SMARCA2: variants seen among roughly 807,000 people sequenced by gnomAD.
The protein encoded by SMARCA2 is SWI/SNF related BAF chromatin remodeling complex subunit ATPase 2.
In SMARCA2, 61 loss-of-function variants were observed where a neutral mutation model predicts 199.8. The ratio of observed to expected loss-of-function variants is 0.31; its 90% CI spans 0.25 to 0.38. The LOEUF is 0.38. Ranked by LOEUF, SMARCA2 falls within the 10% of genes least tolerant of loss-of-function variation. The probability of loss-of-function intolerance (pLI) is 1.00; values close to 1 mark genes in which losing one functional copy is unlikely to be tolerated. For synonymous variants in SMARCA2, 935 were observed against 732.0 expected (o/e 1.28, Z -4.48); for missense variants, 1,344 against 2,012.2 (o/e 0.67, Z 6.35).
intron 29 of SMARCA2, among the ~76,000 whole-genome samples, chr9:2,176,338 A>C (rs185640615): frequency 1.3e-5 from 2 of 152,204 alleles, no homozygotes; most frequent in African/African-American, 2.4e-5. Flanking sequence ...TCCTGTCATG[A>C]ACATCTTGAT....
rs1176429274 is a variant in SMARCA2 at position 2,104,278 on chromosome 9, A to AC, written c.3292+110dup. 1 of 1,029,274 alleles carries AC rather than the reference A, an allele frequency of 9.7e-7. No individual in the cohort carries two copies. The highest frequency in any genetic ancestry group is 1.6e-5 in the African/African-American group (1 of 62,006). 63.8% of individuals were successfully genotyped at this position (1,029,274 alleles called of 1,614,324 possible). ...AAGAAGGGGTAAAATTGAAGAATTG[A>AC]CTAGAAGCATTGGGAGCAGTTTTTC... is the stretch of plus-strand genomic sequence containing the variant. On this transcript the variant is annotated intron_variant, in intron 23 of 33. Transcript: ENST00000349721. The surrounding 1 kb of genome is among the most constrained non-coding windows in gnomAD (Gnocchi z 4.0).
chr9:2,159,000 T>C (rs192767531), intron 27 of SMARCA2: 3 of 1,611,494 alleles, frequency 1.9e-6, no homozygotes, highest in Admixed American at 3.3e-5. Context: ...GTGTGTTTCC[T>C]TGTAATTCCA....
At chr9:2,100,590 T>C (rs1343366102) in intron 21 of SMARCA2, among the ~76,000 whole-genome samples, 1 of 151,904 alleles carries the variant, frequency 6.6e-6, no homozygotes, top group Admixed American at 6.5e-5. Context: ...TAGTCCCAGC[T>C]ATTCAGGAGT....
intron 28 of SMARCA2, among the ~76,000 whole-genome samples, chr9:2,165,796 G>C (rs1258904128): frequency 2.0e-5 from 3 of 152,158 alleles, no homozygotes; most frequent in Non-Finnish European, 2.9e-5. Context: ...TCCAACTCTA[G>C]AGACATGGCT....
chr9:2,077,547 T>G, intron 13 of SMARCA2, 82 bp from the exon 14 acceptor site: 1 of 1,380,670 alleles, frequency 7.2e-7, no homozygotes, highest in East Asian at 2.3e-5. Context: ...TATTTTAGGT[T>G]CTCAAATCAT....
Position 2,119,479 on chromosome 9 carries a change from G to C in SMARCA2, c.3706G>C (p.Asp1236His). 1 of 1,613,266 alleles carries C rather than the reference G, an allele frequency of 6.2e-7. No individual in the cohort carries two copies. The highest frequency in any genetic ancestry group is 8.5e-7 in the Non-Finnish European group (1 of 1,179,246). The change falls in exon 26 of 34, where the codon GAT (aspartate) becomes CAT (histidine). Residue 1236 changes from aspartate (D) to histidine (H), a missense_variant. Around this residue, in one of 18 missense-constraint regions of SMARCA2, gnomAD observed 36 missense variants for 172.5 expected, o/e 0.21. Transcript: ENST00000349721. This position sits in a 1 kb window ranked among gnomAD's most constrained non-coding sequence, Gnocchi z 4.6. Reference sequence around the variant, plus strand: ...CCAGGAAGAAGATGAAGTACCGGACGATGAGACTCTGAACCAAATGATTGC... The same window carrying C: ...CCAGGAAGAAGATGAAGTACCGGACCATGAGACTCTGAACCAAATGATTGC... The part of the protein sequence containing the change: ...ENEEEDEVPD[D>H]ETLNQMIARR...
rs751814191 is a variant in SMARCA2 at position 2,056,683 on chromosome 9, G to A, written c.1185G>A (p.Glu395=). ...TCTCTTCTTGACAGCTGAGACAGGA[G>A]GTGGTGGCCTGCATGCGCAGGGACA... The part of the protein sequence containing the change: ...LLNFQRQLRQ[E]VVACMRRDTT... The change falls in exon 7 of 34, where the codon GAG becomes GAA. Residue 395 remains glutamate, a synonymous_variant. Coordinates refer to ENST00000349721, the MANE Select transcript of SMARCA2 (RefSeq NM_003070.5). The surrounding 1 kb of genome is among the most constrained non-coding windows in gnomAD (Gnocchi z 4.0). The A allele has an allele frequency of 3.0e-5, 49 of 1,613,536 alleles. No individual in the cohort carries two copies. The highest frequency in any genetic ancestry group is 3.9e-5 in the Non-Finnish European group (46 of 1,179,830).
At position 2,174,891 on chromosome 9, in the gene SMARCA2, G is replaced by C. The variant is rs141118870; in HGVS notation, c.4253+4419G>C. Among the ~76,000 whole-genome samples, 155 of 126,688 alleles carry C rather than the reference G, an allele frequency of 1.2e-3. 3 individuals carry two copies. The East Asian group carries it at 0.034, about 28-fold the overall frequency. The allele number at this position is 126,688 out of a possible 152,430, so 83.1% of individuals were successfully genotyped here. The stretch of plus-strand genomic sequence containing the variant: ...AGTGAGCCCTGATCGTGCTACTGCA[G>C]TCCAGCCTGGGGGACAGAGTGAGAC... On this transcript the variant is annotated intron_variant, in intron 29 of 33. Coordinates refer to ENST00000349721, the MANE Select transcript of SMARCA2 (RefSeq NM_003070.5).
chr9:2,147,045 T>A (rs1001200781), intron 27 of SMARCA2, among the ~76,000 whole-genome samples: 3 of 152,176 alleles, frequency 2.0e-5, no homozygotes, highest in African/African-American at 7.2e-5. Flanking sequence ...TTGCTCTGCT[T>A]CAAACATCTC....
intron 31 of SMARCA2, among the ~76,000 whole-genome samples, chr9:2,182,773 G>T (rs1175149775): frequency 6.7e-6 from 1 of 148,432 alleles, no homozygotes; most frequent in African/African-American, 2.5e-5. Context: ...GGGATTACAG[G>T]CATGAGCCAC....
chr9:2,176,042 G>C (rs530398528), intron 29 of SMARCA2, among the ~76,000 whole-genome samples: 1 of 151,824 alleles, frequency 6.6e-6, no homozygotes, highest in East Asian at 1.9e-4. Flanking sequence ...CACCATACTC[G>C]GCTAATTTTT....
At chr9:2,049,746 T>A (rs1228016243) in intron 5 of SMARCA2, among the ~76,000 whole-genome samples, 1 of 152,332 alleles carries the variant, frequency 6.6e-6, no homozygotes, top group East Asian at 1.9e-4. Flanking sequence ...GAGATTAAAT[T>A]TATCCCTTAA....
At chr9:2,054,871 C>T in intron 6 of SMARCA2, 148 bp downstream of exon 6, 3 of 765,224 alleles carry the variant, frequency 3.9e-6, no homozygotes, top group Middle Eastern at 3.8e-4. Context: ...TTTAGACCAA[C>T]AGCTTACAAC....
At position 2,119,439 on chromosome 9, in the gene SMARCA2, A is replaced by G. The variant is rs745498258; in HGVS notation, c.3685-19A>G. ...CCCCAGCTGTCCACTGGTTAAAATCACTCTGTTTTTAACCCCAGGAAGAAG... is the reference window on the plus strand; with the variant it reads ...CCCCAGCTGTCCACTGGTTAAAATCGCTCTGTTTTTAACCCCAGGAAGAAG... On this transcript the variant is annotated intron_variant, in intron 25 of 33. Transcript: ENST00000349721. This position sits in a 1 kb window ranked among gnomAD's most constrained non-coding sequence, Gnocchi z 4.6. 6.3e-7 allele frequency: 1 copy of G among 1,583,256 alleles called. No homozygotes were observed. Among genetic ancestry groups the G allele is most frequent in the South Asian group, 1.1e-5 (1 of 90,462 alleles).
chr9:2,043,544 AG>A (rs1334636932), intron 4 of SMARCA2: 1 of 152,214 alleles, frequency 6.6e-6, no homozygotes, highest in Non-Finnish European at 1.5e-5. Flanking sequence ...TAGAAAATAA[AG>A]TGTTTTTTTT....
intron 25 of SMARCA2, among the ~76,000 whole-genome samples, chr9:2,116,446 C>G (rs10964829): frequency 1.3e-5 from 2 of 151,886 alleles, no homozygotes; most frequent in Non-Finnish European, 2.9e-5. Flanking sequence ...AGCCCTCTCT[C>G]TCTTTTGCCT....
chr9:2,028,787 G>GT (rs1226542680), intron 1 of SMARCA2, among the ~76,000 whole-genome samples, 200 bp from the exon 2 acceptor site: 1 of 151,896 alleles, frequency 6.6e-6, no homozygotes, highest in African/African-American at 2.4e-5. Context: ...TAGTGTGTGT[G>GT]TTTTTTTTAA....
rs1029233288 is a variant in SMARCA2, at chr9:2,040,031, T to C, written c.790+131T>C. The C allele has an allele frequency of 1.4e-5, 21 of 1,477,440 alleles. No homozygotes were observed. In the African/African-American group the frequency reaches 1.8e-4, roughly 13 times the overall value. 91.5% of individuals were successfully genotyped at this position (1,477,440 alleles called of 1,614,324 possible). On this transcript the variant is annotated intron_variant, in intron 4 of 33. Transcript: ENST00000349721. ...TTTGTTATACCTCACTGGCTCTCTATCCTTGCTCCACTTAGATGGCCAAGA... is the reference window on the plus strand; with the variant it reads ...TTTGTTATACCTCACTGGCTCTCTACCCTTGCTCCACTTAGATGGCCAAGA...
chr9:2,158,758 G>GAAT, intron 27 of SMARCA2: 1 of 462,730 alleles, frequency 2.2e-6, no homozygotes, highest in Non-Finnish European at 3.8e-6. Flanking sequence ...AAATCTCCAT[G>GAAT]AATAATTTTA....
Sources: allele counts gnomAD v4.1 joint callset (sites outside exome capture counted in the v4.1 genomes callset), GRCh38; gene constraint gnomAD v4.1.1; regional missense constraint gnomAD v4.1.1; non-coding constraint Gnocchi (gnomAD v3.1); transcripts MANE v1.5; gene names NCBI Gene and HGNC (gene_info 2026-07-23, HGNC 2026-07-21).